ZNF536: variants seen among roughly 807,000 people sequenced by gnomAD.
ZNF536 encodes the protein zinc finger protein 536.
In ZNF536, 13 loss-of-function variants were observed where a neutral mutation model predicts 84.5. The ratio of observed to expected loss-of-function variants is 0.15; its 90% CI spans 0.10 to 0.24. The LOEUF (loss-of-function observed/expected upper bound fraction) is 0.24. Ranked by LOEUF, ZNF536 falls within the 10% of genes least tolerant of loss-of-function variation. The pLI, the probability that ZNF536 is intolerant of heterozygous loss-of-function variation, is 1.00. For synonymous variants in ZNF536, 811 were observed against 742.5 expected (o/e 1.09, Z -1.50); for missense variants, 1,536 against 1,747.5 (o/e 0.88, Z 2.16).
At chr19:30,508,967 A>T (rs1599633250) in intron 2 of ZNF536, among the ~76,000 whole-genome samples, 1 of 149,734 alleles carries the variant, frequency 6.7e-6, no homozygotes. Context: ...ATCTGGGAGC[A>T]CAGTTGTGTG....
chr19:30,265,797 C>A (rs1458471456), intron 1 of ZNF536, among the ~76,000 whole-genome samples: 1 of 152,214 alleles, frequency 6.6e-6, no homozygotes, highest in African/African-American at 2.4e-5. Flanking sequence ...ATCAAGTGGG[C>A]ACTCTTTTCT....
At chr19:30,531,204 A>T (rs1321243115) in intron 2 of ZNF536, among the ~76,000 whole-genome samples, 1 of 152,240 alleles carries the variant, frequency 6.6e-6, no homozygotes, top group Non-Finnish European at 1.5e-5. Context: ...TTACAAATTT[A>T]TTCTTTTTAT....
At chr19:30,707,405 G>C (rs1025226697) in intron 1 of ZNF536, among the ~76,000 whole-genome samples, 6 of 152,044 alleles carry the variant, frequency 3.9e-5, no homozygotes, top group African/African-American at 1.4e-4. Flanking sequence ...CCAACCCAGG[G>C]CCTTCCCTAG....
At chr19:30,398,451 A>T (rs1263706627) in intron 1 of ZNF536, among the ~76,000 whole-genome samples, 1 of 150,536 alleles carries the variant, frequency 6.6e-6, no homozygotes, top group Admixed American at 6.6e-5. Flanking sequence ...CAGTTTTGTT[A>T]CATAGGTATA....
chr19:30,265,979 C>T (rs535904497), intron 1 of ZNF536, among the ~76,000 whole-genome samples: 25 of 152,074 alleles, frequency 1.6e-4, no homozygotes, highest in African/African-American at 5.5e-4. Context: ...CAGCCACAAC[C>T]TCCTGGGCTC....
intron 1 of ZNF536, among the ~76,000 whole-genome samples, chr19:30,579,982 A>G (rs574607710): frequency 6.6e-6 from 1 of 152,306 alleles, no homozygotes; most frequent in Non-Finnish European, 1.5e-5. Flanking sequence ...TGGCTTCTTC[A>G]CAATGTCCTA....
intron 1 of ZNF536, among the ~76,000 whole-genome samples, chr19:30,401,860 A>G (rs958147348): frequency 6.6e-6 from 1 of 152,222 alleles, no homozygotes; most frequent in African/African-American, 2.4e-5. Context: ...GGTTATTTTT[A>G]TCTTTCATTT....
intron 1 of ZNF536, among the ~76,000 whole-genome samples, chr19:30,614,465 GGAGA>G (rs141253341): frequency 9.5e-5 from 14 of 147,848 alleles, no homozygotes; most frequent in Non-Finnish European, 1.6e-4. Context: ...CGGGGGCGGG[GGAGA>G]GAGAGAGAGA....
At chr19:30,709,656 T>C (rs1273796304) in intron 1 of ZNF536, among the ~76,000 whole-genome samples, 2 of 152,216 alleles carry the variant, frequency 1.3e-5, no homozygotes, top group Non-Finnish European at 2.9e-5. Context: ...TGAAAGGGTC[T>C]TGCTTGTTGT....
chr19:30,293,070 T>C (rs74618257), intron 2 of ZNF536, among the ~76,000 whole-genome samples: 199 of 152,306 alleles, frequency 1.3e-3, no homozygotes, highest in Non-Finnish European at 2.4e-3. Flanking sequence ...AATCGTAGTG[T>C]AGATACCTTT....
rs984196202 is a variant in ZNF536 at position 30,445,584 on chromosome 19, G to C, written c.2022G>C (p.Ser674=). ...LHVGLDERRG[S]GSDQESQSVS... ...TGGGCCTGGATGAGCGGCGTGGCTC[G>C]GGCAGTGACCAGGAGTCCCAGTCGG... is the stretch of plus-strand genomic sequence containing the variant. Residue 674 remains serine (S), a synonymous_variant, in exon 2 of 5, where the codon TCG becomes TCC. Coordinates refer to ENST00000355537, the MANE Select transcript of ZNF536 (RefSeq NM_014717.3). This position sits in a 1 kb window ranked among gnomAD's most constrained non-coding sequence, Gnocchi z 4.5. 5 of 1,612,856 alleles carry C rather than the reference G, an allele frequency of 3.1e-6. No homozygotes were observed. The highest frequency in any genetic ancestry group is 1.6e-4 in the Middle Eastern group (1 of 6,080).
At chr19:30,298,446 T>C (rs2046078472) in intron 2 of ZNF536, among the ~76,000 whole-genome samples, 1 of 152,190 alleles carries the variant, frequency 6.6e-6, no homozygotes, top group Non-Finnish European at 1.5e-5. Flanking sequence ...ACAGGTCTCT[T>C]GATGACCATT....
intron 2 of ZNF536, among the ~76,000 whole-genome samples, chr19:30,297,694 C>T (rs942709546): frequency 1.3e-5 from 2 of 152,098 alleles, no homozygotes; most frequent in Admixed American, 6.5e-5. Flanking sequence ...TGGCCAGGAG[C>T]TGGGGGTGGA....
intron 1 of ZNF536, among the ~76,000 whole-genome samples, chr19:30,573,076 G>T (rs554946085): frequency 2.6e-5 from 4 of 152,266 alleles, no homozygotes; most frequent in African/African-American, 9.6e-5. Flanking sequence ...GAAAGACAAA[G>T]ACCCTCAGAT....
chr19:30,382,722 G>T (rs1395511767), intron 1 of ZNF536, among the ~76,000 whole-genome samples: 1 of 152,120 alleles, frequency 6.6e-6, no homozygotes, highest in Admixed American at 6.5e-5. Context: ...TACCGCAGAG[G>T]TGGAATCCAC....
intron 1 of ZNF536, among the ~76,000 whole-genome samples, chr19:30,432,468 G>A (rs779932524): frequency 4.1e-4 from 63 of 152,166 alleles, no homozygotes; most frequent in Non-Finnish European, 8.5e-4. Context: ...CGTGAAGCCA[G>A]GATGTAGCAT....
chr19:30,580,953 A>G (rs1212252392), intron 1 of ZNF536, among the ~76,000 whole-genome samples: 1 of 152,196 alleles, frequency 6.6e-6, no homozygotes, highest in Non-Finnish European at 1.5e-5. Context: ...GTAGGAGCCC[A>G]TCGGTCCTCA....
Position 30,428,671 on chromosome 19 carries a change from TG to T in ZNF536, c.-2-14885del, listed in dbSNP as rs147109112. Reference sequence around the variant, plus strand: ...GGACATAACTTCTGGCACCTGGAGGTGGGGGTGGGGGAAGATGTTGATATCA... The same window carrying T: ...GGACATAACTTCTGGCACCTGGAGGTGGGGTGGGGGAAGATGTTGATATCA... On this transcript the variant is annotated intron_variant, in intron 1 of 4. Coordinates refer to ENST00000355537, the MANE Select transcript of ZNF536 (RefSeq NM_014717.3). Among the ~76,000 whole-genome samples, 346 of 118,700 alleles carry T rather than the reference TG, an allele frequency of 2.9e-3. 2 individuals are homozygous for T. Among genetic ancestry groups the T allele is most frequent in the African/African-American group, 0.011 (327 of 30,194 alleles). The allele number at this position is 118,700 out of a possible 152,430, so 77.9% of individuals were successfully genotyped here.
At chr19:30,344,596 A>G (rs997618768) in intron 2 of ZNF536, among the ~76,000 whole-genome samples, 101 of 152,032 alleles carry the variant, frequency 6.6e-4, no homozygotes, top group East Asian at 2.5e-3. Context: ...CCCCTGTCCA[A>G]CGCTGGGCCT....
Sources: gnomAD v4.1 joint callset for allele counts (sites outside exome capture counted in the v4.1 genomes callset) on GRCh38, gnomAD v4.1.1 for gene constraint, Gnocchi (gnomAD v3.1) non-coding constraint, MANE v1.5 for transcripts, NCBI Gene and HGNC (gene_info 2026-07-23, HGNC 2026-07-21) for gene names.